Variants in SKAP1 observed in about 807,000 individuals in gnomAD.
The protein encoded by SKAP1 is src kinase associated phosphoprotein 1, also known as src kinase-associated phosphoprotein 1.
A neutral mutation model predicts 58.5 loss-of-function variants in SKAP1; 44 were observed. The observed-to-expected ratio is 0.75, with a 90% confidence interval of 0.59 to 0.97. The LOEUF is 0.97. SKAP1 is among the 50% of genes least tolerant of loss of function. The probability of loss-of-function intolerance (pLI) is 0.00; values close to 1 mark genes in which losing one functional copy is unlikely to be tolerated. For missense variants in SKAP1, 390 were observed against 435.2 expected (o/e 0.90, Z 0.92); for synonymous variants, 127 against 149.7 (o/e 0.85, Z 1.11).
chr17:48,221,299 C>G (rs1308654407), intron 4 of SKAP1, among the ~76,000 whole-genome samples: 2 of 151,894 alleles, frequency 1.3e-5, no homozygotes, highest in East Asian at 3.9e-4. Context: ...TCATTGAGTT[C>G]TACATTTATG....
intron 1 of SKAP1, among the ~76,000 whole-genome samples, chr17:48,407,934 G>A (rs896964381): frequency 3.3e-5 from 5 of 151,586 alleles, no homozygotes; most frequent in Admixed American, 6.6e-5. Flanking sequence ...CAGAGGGGGG[G>A]GAATCCAGTA....
At chr17:48,187,667 G>C (rs893349411) in intron 6 of SKAP1, among the ~76,000 whole-genome samples, 176 bp downstream of exon 6, 1 of 152,076 alleles carries the variant, frequency 6.6e-6, no homozygotes, top group African/African-American at 2.4e-5. Flanking sequence ...TCTAAATTGG[G>C]TTCTGCTTTT....
At chr17:48,350,720 C>G (rs371373504) in intron 3 of SKAP1, among the ~76,000 whole-genome samples, 77 of 150,528 alleles carry the variant, frequency 5.1e-4, no homozygotes, top group African/African-American at 1.7e-3. Flanking sequence ...CAAAAAAGAA[C>G]AACAACAACA....
chr17:48,207,462 G>A, intron 4 of SKAP1, among the ~76,000 whole-genome samples: 1 of 148,868 alleles, frequency 6.7e-6, no homozygotes, highest in East Asian at 2.0e-4. Flanking sequence ...CTCCAGTCTG[G>A]GCAACAGAGG....
intron 11 of SKAP1, among the ~76,000 whole-genome samples, chr17:48,154,885 C>T (rs1034292469): frequency 1.3e-5 from 2 of 151,710 alleles, no homozygotes; most frequent in African/African-American, 4.8e-5. Flanking sequence ...ATGGTGAAAC[C>T]CCATCTCTAC....
intron 2 of SKAP1, among the ~76,000 whole-genome samples, chr17:48,371,650 T>A (rs2067086697): frequency 4.6e-5 from 2 of 43,244 alleles, no homozygotes. Flanking sequence ...AAACCTTGTC[T>A]CCACAAAAAA....
chr17:48,316,276 C>G (rs2066285403), intron 4 of SKAP1, among the ~76,000 whole-genome samples: 1 of 152,154 alleles, frequency 6.6e-6, no homozygotes, highest in African/African-American at 2.4e-5. Flanking sequence ...TCACTCTAGC[C>G]ACACAGGTGT....
chr17:48,394,729 A>G (rs2067394453), intron 2 of SKAP1, among the ~76,000 whole-genome samples: 1 of 152,176 alleles, frequency 6.6e-6, no homozygotes, highest in Non-Finnish European at 1.5e-5. Context: ...GCCACACAAC[A>G]TAAGTAAATG....
chr17:48,405,539 G>T (rs2067570471), intron 1 of SKAP1, among the ~76,000 whole-genome samples: 1 of 123,306 alleles, frequency 8.1e-6, no homozygotes. Context: ...TTTCACTCTT[G>T]TCACCCAGGC....
At chr17:48,171,999 G>A (rs1487922618) in intron 9 of SKAP1, among the ~76,000 whole-genome samples, 1 of 152,184 alleles carries the variant, frequency 6.6e-6, no homozygotes, top group Non-Finnish European at 1.5e-5. Flanking sequence ...GGCAGAGGTT[G>A]CAGTGAGCCG....
At chr17:48,140,767 T>A (rs1320520634) in intron 11 of SKAP1, among the ~76,000 whole-genome samples, 2 of 137,980 alleles carry the variant, frequency 1.4e-5, no homozygotes, top group Non-Finnish European at 3.1e-5. Flanking sequence ...TTCTTTCTTC[T>A]TCTTCTTCTT....
intron 4 of SKAP1, among the ~76,000 whole-genome samples, chr17:48,212,036 C>T (rs1458363813): frequency 1.3e-5 from 2 of 150,486 alleles, no homozygotes; most frequent in African/African-American, 2.5e-5. Flanking sequence ...TGGGCAGCCA[C>T]GAACCCAGAA....
At chr17:48,437,071 C>A in the SKAP1 span, among the ~76,000 whole-genome samples, 9 of 152,168 alleles carry the variant, frequency 5.9e-5, no homozygotes, top group African/African-American at 1.4e-4. Flanking sequence ...TCTTTCATTT[C>A]TCTCTTTGTT....
intron 4 of SKAP1, among the ~76,000 whole-genome samples, chr17:48,256,464 G>A (rs2143905673): frequency 6.6e-6 from 1 of 152,106 alleles, no homozygotes; most frequent in East Asian, 1.9e-4. Context: ...TATTTTCAGG[G>A]CCCCGAAGAG....
intron 1 of SKAP1, among the ~76,000 whole-genome samples, chr17:48,405,588 C>T (rs1279307074): frequency 2.7e-5 from 4 of 150,914 alleles, no homozygotes; most frequent in African/African-American, 4.9e-5. Flanking sequence ...CTGCAACCTC[C>T]GCCTCCTGGG....
intron 1 of SKAP1, among the ~76,000 whole-genome samples, chr17:48,397,855 G>A (rs926983169): frequency 6.6e-6 from 1 of 150,550 alleles, no homozygotes; most frequent in Admixed American, 6.7e-5. Flanking sequence ...TTATGTTGAA[G>A]GAAGAAATTG....
intron 4 of SKAP1, among the ~76,000 whole-genome samples, chr17:48,325,469 G>A (rs957503625): frequency 1.3e-5 from 2 of 151,998 alleles, no homozygotes; most frequent in African/African-American, 4.8e-5. Context: ...TGTTTTTGGA[G>A]GTAAGGGTCA....
intron 4 of SKAP1, among the ~76,000 whole-genome samples, chr17:48,202,363 G>A (rs1281387020): frequency 1.3e-5 from 2 of 152,078 alleles, no homozygotes; most frequent in Non-Finnish European, 2.9e-5. Context: ...TCTTAGCAAT[G>A]TGGCTTTGAC....
At chr17:48,344,323 C>T in intron 4 of SKAP1, 2 of 399,574 alleles carry the variant, frequency 5.0e-6, no homozygotes, top group Non-Finnish European at 6.8e-6. Context: ...CTACTGTGGG[C>T]TGAGAAACCA....
Sources: allele counts gnomAD v4.1 joint callset (sites outside exome capture counted in the v4.1 genomes callset), GRCh38; gene constraint gnomAD v4.1.1; transcripts MANE v1.5; gene names NCBI Gene and HGNC (gene_info 2026-07-23, HGNC 2026-07-21).